Variants in FHOD3 observed in about 807,000 individuals in gnomAD.
The protein encoded by FHOD3 is formin homology 2 domain containing 3, also known as FH1/FH2 domain-containing protein 3.
Under a neutral mutation model 173.0 loss-of-function variants are expected in FHOD3, and 90 were observed. The observed-to-expected ratio is 0.52, with a 90% CI of 0.44 to 0.62. FHOD3 has a LOEUF of 0.62. FHOD3 is among the 20% of genes least tolerant of loss of function. The pLI is 0.00. For synonymous variants in FHOD3, 828 were observed against 823.0 expected (o/e 1.01, Z -0.10); for missense variants, 1,945 against 2,034.7 (o/e 0.96, Z 0.85).
chr18:36,314,719 A>G (rs576248797), intron 1 of FHOD3, among the ~76,000 whole-genome samples: 73 of 152,286 alleles, frequency 4.8e-4, no homozygotes, highest in African/African-American at 1.7e-3. Context: ...TATACTTTCA[A>G]TGCGTGCAGC....
chr18:36,448,311 A>G (rs1169114773), intron 3 of FHOD3, among the ~76,000 whole-genome samples: 1 of 152,254 alleles, frequency 6.6e-6, no homozygotes, highest in Non-Finnish European at 1.5e-5. Context: ...GGTAGAAGCC[A>G]TCCCAGAGAT....
intron 1 of FHOD3, among the ~76,000 whole-genome samples, chr18:36,298,780 AT>A (rs2091879815): frequency 6.7e-6 from 1 of 150,004 alleles, no homozygotes; most frequent in Non-Finnish European, 1.5e-5. Flanking sequence ...TTTATTTGTT[AT>A]TTTTATTTAA....
At chr18:36,663,064 T>C (rs1422242736) in intron 14 of FHOD3, among the ~76,000 whole-genome samples, 3 of 152,248 alleles carry the variant, frequency 2.0e-5, no homozygotes, top group African/African-American at 7.2e-5. Flanking sequence ...TGTAGAAACA[T>C]TCAATTTCAT....
At chr18:36,416,537 T>C (rs952727466) in intron 3 of FHOD3, among the ~76,000 whole-genome samples, 1 of 152,230 alleles carries the variant, frequency 6.6e-6, no homozygotes. Context: ...ATTGGGTCAA[T>C]AGCACTTACT....
At chr18:36,586,423 T>A (rs2059028927) in intron 6 of FHOD3, among the ~76,000 whole-genome samples, 1 of 152,214 alleles carries the variant, frequency 6.6e-6, no homozygotes, top group Non-Finnish European at 1.5e-5. Context: ...AGATGCTCCT[T>A]CGGGCAATAT....
intron 10 of FHOD3, among the ~76,000 whole-genome samples, chr18:36,626,226 G>T (rs1413086837): frequency 6.6e-6 from 1 of 152,084 alleles, no homozygotes; most frequent in African/African-American, 2.4e-5. Context: ...ATATATTTCA[G>T]TACACACTAA....
chr18:36,488,455 C>T (rs547875378), intron 3 of FHOD3, among the ~76,000 whole-genome samples: 23 of 152,240 alleles, frequency 1.5e-4, no homozygotes, highest in East Asian at 7.7e-4. Flanking sequence ...CTCAGGGGAC[C>T]GTCTCACCAC....
chr18:36,387,217 C>T (rs992015575), intron 3 of FHOD3, among the ~76,000 whole-genome samples: 3 of 152,030 alleles, frequency 2.0e-5, no homozygotes, highest in Admixed American at 2.0e-4. Context: ...GGAGAAGCAG[C>T]ATTCTAATTC....
chr18:36,305,743 G>T (rs1028538205), intron 1 of FHOD3, among the ~76,000 whole-genome samples: 2 of 152,208 alleles, frequency 1.3e-5, no homozygotes, highest in African/African-American at 4.8e-5. Flanking sequence ...TGAGTAGTGG[G>T]GTGGTCCTTG....
At chr18:36,770,073 T>TG (rs1197857297) in intron 28 of FHOD3, among the ~76,000 whole-genome samples, 1 of 152,216 alleles carries the variant, frequency 6.6e-6, no homozygotes, top group Non-Finnish European at 1.5e-5. Flanking sequence ...GGGTTGCCTC[T>TG]GTCTGCCCCT....
At position 36,514,227 on chromosome 18, in the gene FHOD3, T is replaced by C. The variant is rs994891958; in HGVS notation, c.511+1684T>C. Among the ~76,000 whole-genome samples, 190 of 152,182 alleles carry C rather than the reference T, an allele frequency of 1.2e-3. 1 individual carries two copies. Among genetic ancestry groups the C allele is most frequent in the Admixed American group, 1.8e-3 (27 of 15,286 alleles). On this transcript the variant is annotated intron_variant, in intron 5 of 28. Transcript: ENST00000590592. ...GGTTTCACCTTGTTAGCCAGGATGG[T>C]CTCGTTCTCCTGACCTCATGATCCG...
At chr18:36,713,228 G>C (rs1346816141) in intron 18 of FHOD3, among the ~76,000 whole-genome samples, 2 of 152,202 alleles carry the variant, frequency 1.3e-5, no homozygotes, top group African/African-American at 4.8e-5. Flanking sequence ...CTGCTTATGA[G>C]TTACTAAATC....
chr18:36,548,570 T>A (rs957485912), intron 5 of FHOD3, among the ~76,000 whole-genome samples: 2 of 152,226 alleles, frequency 1.3e-5, no homozygotes, highest in Admixed American at 1.3e-4. Flanking sequence ...TTCAACGACT[T>A]GGGATTCTCT....
intron 2 of FHOD3, among the ~76,000 whole-genome samples, chr18:36,356,401 C>T (rs575028821): frequency 6.6e-6 from 1 of 152,294 alleles, no homozygotes; most frequent in African/African-American, 2.4e-5. Flanking sequence ...AGTGAAACCT[C>T]TCTAGGAATA....
chr18:36,706,542 C>T (rs1158525817), intron 17 of FHOD3, among the ~76,000 whole-genome samples: 1 of 152,212 alleles, frequency 6.6e-6, no homozygotes, highest in Non-Finnish European at 1.5e-5. Flanking sequence ...TCTGTTAGCA[C>T]ACCTGCCCAG....
chr18:36,515,472 C>T (rs1224633520), intron 5 of FHOD3, among the ~76,000 whole-genome samples: 1 of 152,206 alleles, frequency 6.6e-6, no homozygotes, highest in East Asian at 1.9e-4. Context: ...CCGCCTCTGC[C>T]TCCCAAAGTG....
At chr18:36,438,326 G>C (rs1259297795) in intron 3 of FHOD3, among the ~76,000 whole-genome samples, 2 of 152,096 alleles carry the variant, frequency 1.3e-5, no homozygotes, top group Admixed American at 6.5e-5. Context: ...CCTCCTCCTT[G>C]CCAAATGCAG....
chr18:36,779,127 AC>A (rs1300417066), intron 28 of FHOD3: 2 of 366,746 alleles, frequency 5.5e-6, no homozygotes, highest in Non-Finnish European at 1.0e-5. Context: ...TCTGCAGTTC[AC>A]CCCCTTCTCA....
chr18:36,617,928 C>T (rs1022453256), intron 9 of FHOD3, among the ~76,000 whole-genome samples: 1 of 152,008 alleles, frequency 6.6e-6, no homozygotes, highest in Non-Finnish European at 1.5e-5. Flanking sequence ...TTAGCCATTT[C>T]ATCTGTATTT....
Sources: gnomAD v4.1 joint callset for allele counts (sites outside exome capture counted in the v4.1 genomes callset) on GRCh38, gnomAD v4.1.1 for gene constraint, MANE v1.5 for transcripts, NCBI Gene and HGNC (gene_info 2026-07-23, HGNC 2026-07-21) for gene names.